MYH10: variants seen among roughly 807,000 people sequenced by gnomAD.
MYH10 encodes the protein myosin-10.
In MYH10, 55 loss-of-function variants were observed where a neutral mutation model predicts 257.8. The observed-to-expected ratio is 0.21, with a 90% CI of 0.17 to 0.27. MYH10 has a LOEUF of 0.27. Ranked by LOEUF, MYH10 falls within the 10% of genes least tolerant of loss-of-function variation. MYH10 has a pLI of 1.00. For missense variants in MYH10, 1,631 were observed against 2,500.6 expected, an observed-to-expected ratio of 0.65 and a Z score of 7.42; for synonymous variants, 854 against 921.7, an observed-to-expected ratio of 0.93 and a Z score of 1.33.
chr17:8,533,052 C>A (rs189926165), intron 16 of MYH10, among the ~76,000 whole-genome samples: 9 of 152,216 alleles, frequency 5.9e-5, no homozygotes, highest in Admixed American at 6.5e-5. Context: ...GGCTTGTTTT[C>A]AAAAACCAGG....
intron 4 of MYH10, among the ~76,000 whole-genome samples, chr17:8,577,859 GTA>G (rs2083557344): frequency 2.0e-5 from 3 of 152,162 alleles, no homozygotes; most frequent in Non-Finnish European, 4.4e-5. Context: ...ATAGATGCCA[GTA>G]AGAGGACACA....
intron 4 of MYH10, among the ~76,000 whole-genome samples, chr17:8,581,412 C>G (rs1418167558): frequency 6.6e-6 from 1 of 151,906 alleles, no homozygotes; most frequent in East Asian, 1.9e-4. Flanking sequence ...TGTTACTTTC[C>G]AGCCTGGTTT....
At chr17:8,479,531 G>A (rs182273287) in intron 40 of MYH10, among the ~76,000 whole-genome samples, 1 of 152,322 alleles carries the variant, frequency 6.6e-6, no homozygotes, top group Non-Finnish European at 1.5e-5. Context: ...AGAGGCTGGG[G>A]AGGATGCAGG....
chr17:8,543,723 C>T (rs1011197859), intron 13 of MYH10, among the ~76,000 whole-genome samples: 2 of 152,192 alleles, frequency 1.3e-5, no homozygotes, highest in African/African-American at 4.8e-5. Context: ...CCACCTGCCT[C>T]GGCCTCCCAA....
At chr17:8,601,441 C>A (rs2084589743) in intron 3 of MYH10, among the ~76,000 whole-genome samples, 2 of 152,228 alleles carry the variant, frequency 1.3e-5, no homozygotes, top group Non-Finnish European at 1.5e-5. Context: ...AGCGTATCTC[C>A]TTTCACTATT....
chr17:8,552,239 T>C lies in MYH10; in HGVS notation c.821-95A>G. ...GTCTGTAAATTTAAATCATAAAACA[T>C]CTTCTTTCTCTGATTATTATATAAA... On this transcript the variant is annotated intron_variant, in intron 8 of 42. Transcript: ENST00000360416. The surrounding 1 kb of genome is among the most constrained non-coding windows in gnomAD (Gnocchi z 4.8). 3.9e-6 allele frequency: 2 copies of C among 512,682 alleles called. No homozygotes were observed. Among genetic ancestry groups the C allele is most frequent in the Non-Finnish European group, 6.5e-6 (2 of 305,510 alleles). 31.8% of individuals were successfully genotyped at this position (512,682 alleles called of 1,614,324 possible).
intron 4 of MYH10, among the ~76,000 whole-genome samples, chr17:8,577,915 G>A (rs1353968516): frequency 1.3e-5 from 2 of 152,106 alleles, no homozygotes; most frequent in Non-Finnish European, 2.9e-5. Context: ...GGGTGGGGGG[G>A]TTCTACCAGA....
At chr17:8,570,465 G>C (rs994980231) in intron 6 of MYH10, among the ~76,000 whole-genome samples, 5 of 152,134 alleles carry the variant, frequency 3.3e-5, no homozygotes, top group African/African-American at 1.2e-4. Flanking sequence ...CAAACAAAAG[G>C]TGGAAATATA....
chr17:8,589,072 T>C lies in MYH10; in HGVS notation c.530+9A>G. 1 of 1,613,268 alleles carries C rather than the reference T, an allele frequency of 6.2e-7. No individual in the cohort carries two copies. The highest frequency in any genetic ancestry group is 8.5e-7 in the Non-Finnish European group (1 of 1,179,592). ...CAAAAACAAATCTGAACATTCAACATTTACTTACGTGCAAAGAATTGACTG... is the reference window on the plus strand; with the variant it reads ...CAAAAACAAATCTGAACATTCAACACTTACTTACGTGCAAAGAATTGACTG... On this transcript the variant is annotated intron_variant, in intron 4 of 42. Transcript: ENST00000360416.
chr17:8,562,737 T>G (rs897607558), intron 7 of MYH10, among the ~76,000 whole-genome samples: 1 of 152,226 alleles, frequency 6.6e-6, no homozygotes, highest in African/African-American at 2.4e-5. Context: ...ACGTGTACTG[T>G]GAGAGCTCTC....
intron 26 of MYH10, among the ~76,000 whole-genome samples, chr17:8,507,359 C>T (rs546417481): frequency 1.3e-5 from 2 of 152,364 alleles, no homozygotes; most frequent in African/African-American, 2.4e-5. Flanking sequence ...TGCCTGCAGG[C>T]GCCTGCACAG....
At chr17:8,553,422 C>G (rs1254544350) in intron 8 of MYH10, among the ~76,000 whole-genome samples, 1 of 152,190 alleles carries the variant, frequency 6.6e-6, no homozygotes, top group Non-Finnish European at 1.5e-5. Flanking sequence ...TACATCTATA[C>G]TCAAATGTGT....
rs892154313 is a variant in MYH10, at chr17:8,496,757, T to A, written c.3952-1516A>T. Among the ~76,000 whole-genome samples the A allele has an allele frequency of 3.3e-5, 5 of 152,216 alleles. No individual in the cohort carries two copies. In the East Asian group the frequency reaches 9.6e-4, roughly 29 times the overall value. ...GACCACCCTCCTTCGAAAGGCCTGCTTGCGATGTTGACCTTTGGCTGGTGT... is the reference window on the plus strand; with the variant it reads ...GACCACCCTCCTTCGAAAGGCCTGCATGCGATGTTGACCTTTGGCTGGTGT... On this transcript the variant is annotated intron_variant, in intron 30 of 42. Transcript: ENST00000360416.
At position 8,480,162 on chromosome 17, in the gene MYH10, C is replaced by T. The variant is rs1913452085; in HGVS notation, c.5545G>A (p.Ala1849Thr). 1 of 1,614,184 alleles carries T rather than the reference C, an allele frequency of 6.2e-7. No homozygotes were observed. The highest frequency in any genetic ancestry group is 2.2e-5 in the East Asian group (1 of 44,880). Residue 1849 changes from alanine to threonine, a missense_variant, in exon 40 of 43, where the codon GCC (alanine) becomes ACC (threonine). Ala to Thr is a moderately conservative substitution (Grantham distance 58). This residue lies in a region of MYH10 where 343 missense variants were observed against 389.5 expected (regional missense o/e 0.88). Transcript: ENST00000360416. ...VKSKFKATIS[A>T]LEAKIGQLEE... ...AGCTGCCCAATCTTGGCCTCCAGGG[C>T]TGAGATGGTGGCCTTGAACTTAGAC...
intron 8 of MYH10, 146 bp downstream of exon 8, chr17:8,553,809 C>T (rs372840194): frequency 6.4e-5 from 40 of 625,250 alleles, no homozygotes; most frequent in Middle Eastern, 5.2e-4. Flanking sequence ...ATTCACTAGT[C>T]GAAAGTATTT....
chr17:8,567,436 C>T (rs756961886), intron 7 of MYH10, among the ~76,000 whole-genome samples: 28 of 152,198 alleles, frequency 1.8e-4, no homozygotes, highest in Non-Finnish European at 3.5e-4. Flanking sequence ...ACTTGGAAAG[C>T]GTCTTGCACT....
intron 30 of MYH10, among the ~76,000 whole-genome samples, chr17:8,498,070 C>T (rs1010470092): frequency 1.4e-5 from 2 of 147,636 alleles, no homozygotes; most frequent in African/African-American, 5.0e-5. Context: ...CAATCTCCAC[C>T]TCCCTGGATT....
chr17:8,574,354 A>G (rs117775829), intron 6 of MYH10, among the ~76,000 whole-genome samples: 269 of 152,304 alleles, frequency 1.8e-3, no homozygotes, highest in Non-Finnish European at 3.5e-3. Flanking sequence ...CAGAAAGTAG[A>G]TTAGTGCTTG....
intron 1 of MYH10, among the ~76,000 whole-genome samples, chr17:8,628,460 C>T (rs1428293002): frequency 6.6e-6 from 1 of 152,160 alleles, no homozygotes; most frequent in African/African-American, 2.4e-5. Context: ...TATGAACGGC[C>T]TGCACATAGA....
Sources: gnomAD v4.1 joint callset for allele counts (sites outside exome capture counted in the v4.1 genomes callset) on GRCh38, gnomAD v4.1.1 for gene constraint, gnomAD v4.1.1 regional missense constraint, Gnocchi (gnomAD v3.1) non-coding constraint, MANE v1.5 for transcripts, NCBI Gene and HGNC (gene_info 2026-07-23, HGNC 2026-07-21) for gene names.